Variants in C12orf57 observed in about 807,000 individuals in gnomAD.
The protein encoded by C12orf57 is protein C10.
Under a neutral mutation model 11.3 loss-of-function variants are expected in C12orf57, and 14 were observed. The ratio of observed to expected loss-of-function variants is 1.24; its 90% CI spans 0.82 to 1.94. The LOEUF (loss-of-function observed/expected upper bound fraction) is 1.94, where lower values mean the gene tolerates loss of function less well. C12orf57 is among the 30% of genes most tolerant of loss of function. C12orf57 has a pLI of 0.00. For missense variants in C12orf57, 229 were observed against 172.4 expected, an observed-to-expected ratio of 1.33 and a Z score of -1.84; for synonymous variants, 100 against 74.6, an observed-to-expected ratio of 1.34 and a Z score of -1.76.
At chr12:6,943,921 A>T (rs782017296), upstream of C12orf57, 2 of 1,301,334 alleles carry the variant, frequency 1.5e-6, no homozygotes, top group Non-Finnish European at 2.1e-6. Context: ...TTCACTGTGC[A>T]AAAATTATGG....
chr12:6,944,379 G>T (rs1318539915), intron 1 of C12orf57, 97 bp from the exon 2 acceptor site: 12 of 1,557,870 alleles, frequency 7.7e-6, no homozygotes, highest in Middle Eastern at 4.6e-4. Flanking sequence ...GTTACCTACA[G>T]CCTCAATCCA....
At chr12:6,943,946 C>T (rs371218327), upstream of C12orf57, 520 of 1,461,684 alleles carry the variant, frequency 3.6e-4, 2 homozygotes, top group African/African-American at 3.9e-3. Flanking sequence ...TTTTGGTGGT[C>T]TTGATGCAGT....
chr12:6,943,884 G>A (rs978150168), upstream of C12orf57: 21 of 1,024,156 alleles, frequency 2.1e-5, no homozygotes, highest in South Asian at 5.0e-5. Flanking sequence ...CCCCTCTTAT[G>A]ATGTTTGTTG....
At chr12:6,944,383 C>T in intron 1 of C12orf57, 93 bp from the exon 2 acceptor site, 1 of 1,559,240 alleles carries the variant, frequency 6.4e-7, no homozygotes, top group Non-Finnish European at 8.7e-7. Context: ...CCTACAGCCT[C>T]AATCCACTAA....
rs782563101 is a variant in C12orf57, at chr12:6,944,519, T to A, written c.96T>A (p.Asn32Lys). Residue 32 changes from asparagine (N) to lysine (K), a missense_variant, in exon 2 of 3, where the codon AAT becomes AAA. Coordinates refer to ENST00000229281, the MANE Select transcript of C12orf57 (RefSeq NM_138425.4). The stretch of plus-strand genomic sequence containing the variant: ...TCCAGGCGTTCTCCGCCCCGGAGAA[T>A]GCAGTGCGCATGGACGAGGCTCGGG... The part of the protein sequence containing the change: ...EVIQAFSAPE[N>K]AVRMDEARDN... 1 of 1,613,812 alleles carries A rather than the reference T, an allele frequency of 6.2e-7. No homozygotes were observed. The highest frequency in any genetic ancestry group is 1.7e-5 in the Admixed American group (1 of 60,024).
intron 2 of C12orf57, 124 bp from the exon 3 acceptor site, chr12:6,945,647 C>T (rs1945785741): frequency 1.0e-6 from 1 of 996,510 alleles, no homozygotes; most frequent in South Asian, 1.4e-5. Flanking sequence ...CTGCATGCGT[C>T]CTGTTTGGCA....
At chr12:6,943,727 A>G, upstream of C12orf57, 1 of 1,246,344 alleles carries the variant, frequency 8.0e-7, no homozygotes, top group Non-Finnish European at 1.0e-6. Context: ...TTTATACAGT[A>G]ATAGGAACAA....
In C12orf57 at chr12:6,944,135, C is replaced by T; in HGVS notation, c.14C>T (p.Ser5Leu). 3 of 1,614,236 alleles carry T rather than the reference C, an allele frequency of 1.9e-6. No individual in the cohort carries two copies. Among genetic ancestry groups the T allele is most frequent in the Admixed American group, 1.7e-5 (1 of 60,026 alleles). The change falls in exon 1 of 3, where the codon TCG (serine) becomes TTG (leucine). Residue 5 changes from serine (S) to leucine (L), a missense_variant. By Grantham distance (145) the Ser-to-Leu change is moderately radical. Transcript: ENST00000229281. MASA[S>L]TQPAALSAEQ... ...TTCAGACGCCCTATGGCGTCCGCCTCGACCCAACCGGCGGCCTTGAGCGCT... is the reference window on the plus strand; with the variant it reads ...TTCAGACGCCCTATGGCGTCCGCCTTGACCCAACCGGCGGCCTTGAGCGCT...
rs782231807 is a variant in C12orf57, at chr12:6,944,098, T to C, written c.-24T>C. On this transcript the variant is annotated 5_prime_UTR_variant, in exon 1 of 3. Coordinates refer to ENST00000229281, the MANE Select transcript of C12orf57 (RefSeq NM_138425.4). ...TCGTGAGTTTTCCATTTACCTCCGC[T>C]GAACCTAGAGCTTCAGACGCCCTAT... 6.2e-7 allele frequency: 1 copy of C among 1,614,162 alleles called. No homozygotes were observed. The highest frequency in any genetic ancestry group is 1.7e-5 in the Admixed American group (1 of 60,022).
In C12orf57 at chr12:6,944,057, G is replaced by A. The variant is rs782634865; in HGVS notation, c.-65G>A. 1.0e-4 allele frequency: 165 copies of A among 1,612,550 alleles called. No homozygotes were observed. Among genetic ancestry groups the A allele is most frequent in the Non-Finnish European group, 1.3e-4 (151 of 1,179,714 alleles). On this transcript the variant is annotated 5_prime_UTR_variant, in exon 1 of 3. Transcript: ENST00000229281. Reference sequence around the variant, plus strand: ...CCCAGGGGCGTTGGGAACGGTTGTAGGACGTGGCTCTTTATTCGTGAGTTT... The same window carrying A: ...CCCAGGGGCGTTGGGAACGGTTGTAAGACGTGGCTCTTTATTCGTGAGTTT...
intron 2 of C12orf57, among the ~76,000 whole-genome samples, chr12:6,945,434 C>T (rs1945777783): frequency 6.6e-6 from 1 of 152,200 alleles, no homozygotes; most frequent in Non-Finnish European, 1.5e-5. Context: ...TGATTCAGCT[C>T]TGCTGCCTCA....
upstream of C12orf57, chr12:6,943,760 C>A (rs1256145871): frequency 8.1e-6 from 9 of 1,115,928 alleles, no homozygotes; most frequent in East Asian, 5.1e-5. Context: ...CTAAGCTCAC[C>A]CTCATCAATT....
intron 2 of C12orf57, chr12:6,945,104 T>G: frequency 3.7e-6 from 1 of 267,896 alleles, no homozygotes. Context: ...CCCCCCACTA[T>G]GAAGTCAGGT....
rs1555146576 is a variant in C12orf57 at position 6,945,945 on chromosome 12, C to T, written c.*23C>T. 2 of 1,603,434 alleles carry T rather than the reference C, an allele frequency of 1.2e-6. No individual in the cohort carries two copies. The highest frequency in any genetic ancestry group is 3.4e-5 in the Admixed American group (2 of 59,246). On this transcript the variant is annotated 3_prime_UTR_variant, in exon 3 of 3. Coordinates refer to ENST00000229281, the MANE Select transcript of C12orf57 (RefSeq NM_138425.4). ...TGAGAGTTGGCCCTCCCTTGTGCCA[C>T]TGCCAGGGGAGGAAAGGCCTTGATG...
upstream of C12orf57, chr12:6,943,943 G>T (rs191717299): frequency 4.2e-6 from 6 of 1,433,150 alleles, no homozygotes; most frequent in African/African-American, 2.9e-5. Flanking sequence ...TAGTTTTGGT[G>T]GTCTTGATGC....
chr12:6,944,337 G>A, intron 1 of C12orf57, 139 bp from the exon 2 acceptor site: 1 of 1,562,318 alleles, frequency 6.4e-7, no homozygotes, highest in Non-Finnish European at 8.7e-7. Context: ...TCTAAGTGGG[G>A]CGCTTGCCCC....
rs782194590 is a variant in C12orf57 at position 6,945,366 on chromosome 12, G to T, written c.230-405G>T. 4.0e-5 allele frequency among the ~76,000 whole-genome samples: 6 copies of T among 151,130 alleles called. No homozygotes were observed. In the South Asian group the frequency reaches 8.6e-4, roughly 22 times the overall value. On this transcript the variant is annotated intron_variant, in intron 2 of 2. Coordinates refer to ENST00000229281, the MANE Select transcript of C12orf57 (RefSeq NM_138425.4). ...AGGGTGTTTCAGCTAATTTTTGTTT[G>T]GGGGGGGTTGGTGGTTAAATTTTTG...
At chr12:6,944,220 C>G (rs926392173) in intron 1 of C12orf57, 47 bp downstream of exon 1, 1 of 1,588,188 alleles carries the variant, frequency 6.3e-7, no homozygotes, top group Non-Finnish European at 8.6e-7. Flanking sequence ...CTGGGGTAGT[C>G]AAGGCATGGG....
upstream of C12orf57, chr12:6,943,492 A>C: frequency 7.9e-7 from 1 of 1,272,794 alleles, no homozygotes; most frequent in Non-Finnish European, 1.0e-6. Context: ...CAAGGCCTTT[A>C]GGAAACTGCG....
Sources: gnomAD v4.1 joint callset for allele counts (sites outside exome capture counted in the v4.1 genomes callset) on GRCh38, gnomAD v4.1.1 for gene constraint, MANE v1.5 for transcripts, NCBI Gene and HGNC (gene_info 2026-07-23, HGNC 2026-07-21) for gene names.